Variants in PLPPR1 observed in about 807,000 individuals in gnomAD.
PLPPR1 encodes phospholipid phosphatase-related protein type 1.
In PLPPR1, 10 loss-of-function variants were observed where a neutral mutation model predicts 33.1. The ratio of observed to expected loss-of-function variants is 0.30; its 90% CI spans 0.19 to 0.51. The LOEUF (loss-of-function observed/expected upper bound fraction) is 0.51. Ranked by LOEUF, PLPPR1 falls within the 20% of genes least tolerant of loss-of-function variation. The probability of loss-of-function intolerance (pLI) is 0.97; values close to 1 mark genes in which losing one functional copy is unlikely to be tolerated. For synonymous variants in PLPPR1, 151 were observed against 151.0 expected (o/e 1.00, Z 0.00); for missense variants, 304 against 408.1 (o/e 0.74, Z 2.20).
rs1035158798 is a variant in PLPPR1 at position 101,325,044 on chromosome 9, T to C, written c.*987T>C. On this transcript the variant is annotated 3_prime_UTR_variant, in exon 8 of 8. Coordinates refer to ENST00000374874, the MANE Select transcript of PLPPR1 (RefSeq NM_207299.2). ...GCTCTTTTGTCCGTACCTATCAGAA[T>C]GTTTTCTTGACACTTCCATGTTGGC... 6.6e-6 allele frequency: 1 copy of C among 152,336 alleles called. No homozygotes were observed. Among genetic ancestry groups the C allele is most frequent in the Admixed American group, 6.5e-5 (1 of 15,282 alleles). 9.4% of individuals were successfully genotyped at this position (152,336 alleles called of 1,614,324 possible).
At chr9:101,050,124 GAAAAAAAA>G (rs35688096) in intron 1 of PLPPR1, among the ~76,000 whole-genome samples, 22 of 35,192 alleles carry the variant, frequency 6.3e-4, no homozygotes, top group African/African-American at 1.7e-3. Flanking sequence ...CTCCAACTCA[GAAAAAAAA>G]AAAAAAAAAA....
intron 1 of PLPPR1, among the ~76,000 whole-genome samples, chr9:101,151,663 G>A (rs1022721924): frequency 6.6e-6 from 1 of 152,108 alleles, no homozygotes; most frequent in Non-Finnish European, 1.5e-5. Flanking sequence ...GTTTACAAAG[G>A]GATGGCAACT....
intron 1 of PLPPR1, among the ~76,000 whole-genome samples, chr9:101,092,464 A>G (rs983505478): frequency 2.6e-5 from 4 of 152,134 alleles, no homozygotes; most frequent in African/African-American, 9.7e-5. Flanking sequence ...AATTTGGTGA[A>G]TAAGGGTATC....
At chr9:101,181,784 C>A (rs1192117868) in intron 1 of PLPPR1, among the ~76,000 whole-genome samples, 1 of 146,306 alleles carries the variant, frequency 6.8e-6, no homozygotes, top group Non-Finnish European at 1.5e-5. Flanking sequence ...ACACACATAC[C>A]TAATACACCA....
chr9:101,175,990 A>G (rs1468596910), intron 1 of PLPPR1, among the ~76,000 whole-genome samples: 1 of 152,234 alleles, frequency 6.6e-6, no homozygotes, highest in Non-Finnish European at 1.5e-5. Flanking sequence ...AAGGAACAAC[A>G]TAGTAGTGAC....
intron 1 of PLPPR1, among the ~76,000 whole-genome samples, chr9:101,147,385 A>G (rs551455085): frequency 6.6e-6 from 1 of 152,314 alleles, no homozygotes; most frequent in South Asian, 2.1e-4. Flanking sequence ...GATATTTTGA[A>G]TTACTCTGGG....
chr9:101,036,463 A>G (rs1254963913), intron 1 of PLPPR1, among the ~76,000 whole-genome samples: 1 of 152,158 alleles, frequency 6.6e-6, no homozygotes, highest in Non-Finnish European at 1.5e-5. Flanking sequence ...AGGAAAATGT[A>G]AAGATCATCT....
chr9:101,203,359 G>A (rs111312724), intron 2 of PLPPR1, among the ~76,000 whole-genome samples: 3 of 152,030 alleles, frequency 2.0e-5, no homozygotes, highest in Admixed American at 6.6e-5. Context: ...GAGACCTTAG[G>A]GGGGGAAAAA....
intron 1 of PLPPR1, among the ~76,000 whole-genome samples, chr9:101,041,171 G>A (rs1830074101): frequency 1.3e-5 from 2 of 152,194 alleles, no homozygotes; most frequent in East Asian, 1.9e-4. Context: ...TGGGGCATAT[G>A]CCAGAGAGCT....
chr9:101,177,178 C>T (rs1303715930), intron 1 of PLPPR1, among the ~76,000 whole-genome samples: 1 of 152,098 alleles, frequency 6.6e-6, no homozygotes, highest in African/African-American at 2.4e-5. Context: ...ATAGGAATCA[C>T]ATTAAATCTG....
intron 2 of PLPPR1, among the ~76,000 whole-genome samples, chr9:101,245,698 C>CA (rs1207972376): frequency 1.3e-5 from 2 of 151,798 alleles, no homozygotes; most frequent in African/African-American, 2.4e-5. Context: ...TCTGGAACCA[C>CA]AAAAAAGTTA....
intron 4 of PLPPR1, among the ~76,000 whole-genome samples, chr9:101,300,884 C>T (rs1018599211): frequency 3.9e-5 from 6 of 152,030 alleles, no homozygotes; most frequent in African/African-American, 1.2e-4. Context: ...GGCATTATAC[C>T]GCCTAGAGGG....
intron 3 of PLPPR1, among the ~76,000 whole-genome samples, chr9:101,272,246 C>A (rs1355750099): frequency 6.6e-6 from 1 of 151,976 alleles, no homozygotes; most frequent in Non-Finnish European, 1.5e-5. Context: ...AAATATTTCT[C>A]AAAAAATAGT....
intron 2 of PLPPR1, among the ~76,000 whole-genome samples, chr9:101,246,417 A>G (rs968664832): frequency 6.6e-6 from 1 of 152,062 alleles, no homozygotes; most frequent in African/African-American, 2.4e-5. Context: ...CTAGCAAATG[A>G]TAATAGCACA....
At chr9:101,236,924 T>C (rs1324945239) in intron 2 of PLPPR1, among the ~76,000 whole-genome samples, 1 of 151,810 alleles carries the variant, frequency 6.6e-6, no homozygotes, top group African/African-American at 2.4e-5. Flanking sequence ...AGAAAATGTT[T>C]GCAAACTATA....
At chr9:101,266,152 C>T (rs143381519) in intron 2 of PLPPR1, among the ~76,000 whole-genome samples, 145 of 148,578 alleles carry the variant, frequency 9.8e-4, no homozygotes, top group South Asian at 3.0e-3. Context: ...GAAGGCCGGG[C>T]GCGGTGGCTC....
At position 101,118,675 on chromosome 9, in the gene PLPPR1, A is replaced by G. The variant is rs561777789; in HGVS notation, c.-45-66775A>G. 6.6e-5 allele frequency among the ~76,000 whole-genome samples: 10 copies of G among 152,308 alleles called. No individual in the cohort carries two copies. In the East Asian group the frequency reaches 1.9e-3, roughly 29 times the overall value. On this transcript the variant is annotated intron_variant, in intron 1 of 7. Coordinates refer to ENST00000374874, the MANE Select transcript of PLPPR1 (RefSeq NM_207299.2). Reference sequence around the variant, plus strand: ...GGGGTTTCTATTTGAGCCTGTAGACAATGTTGATCAGATTTCTGTTTTACA... The same window carrying G: ...GGGGTTTCTATTTGAGCCTGTAGACGATGTTGATCAGATTTCTGTTTTACA...
intron 1 of PLPPR1, among the ~76,000 whole-genome samples, chr9:101,140,723 C>T (rs529128346): frequency 5.9e-5 from 9 of 152,232 alleles, no homozygotes; most frequent in African/African-American, 1.9e-4. Context: ...CAATTACTTA[C>T]AATGGAACTT....
At chr9:101,128,477 T>C (rs2118607326) in intron 1 of PLPPR1, among the ~76,000 whole-genome samples, 1 of 152,322 alleles carries the variant, frequency 6.6e-6, no homozygotes, top group Non-Finnish European at 1.5e-5. Flanking sequence ...GTTTACTGAG[T>C]GCCAAATTCA....
Sources: gnomAD v4.1 joint callset for allele counts (sites outside exome capture counted in the v4.1 genomes callset) on GRCh38, gnomAD v4.1.1 for gene constraint, MANE v1.5 for transcripts, NCBI Gene and HGNC (gene_info 2026-07-23, HGNC 2026-07-21) for gene names.